Variants in DNMT1 observed in about 807,000 individuals in gnomAD.
DNMT1 encodes DNA (cytosine-5)-methyltransferase 1.
Under a neutral mutation model 205.3 loss-of-function variants are expected in DNMT1, and 24 were observed. The observed-to-expected ratio is 0.12, with a 90% CI of 0.08 to 0.16. DNMT1 has a LOEUF of 0.16. Ranked by LOEUF, DNMT1 falls within the 10% of genes least tolerant of loss-of-function variation. The pLI, the probability that DNMT1 is intolerant of heterozygous loss-of-function variation, is 1.00. For synonymous variants in DNMT1, 817 were observed against 839.8 expected (o/e 0.97, Z 0.47); for missense variants, 1,293 against 2,177.7 (o/e 0.59, Z 8.09).
chr19:10,150,046 C>T, intron 24 of DNMT1, 78 bp from the exon 25 acceptor site: 2 of 1,247,268 alleles, frequency 1.6e-6, no homozygotes, highest in Non-Finnish European at 2.4e-6. Flanking sequence ...TCCTCTGTTA[C>T]TTAAAGTAAG....
At chr19:10,134,104 G>T in intron 40 of DNMT1, 113 bp downstream of exon 40, 1 of 1,089,070 alleles carries the variant, frequency 9.2e-7, no homozygotes, top group Non-Finnish European at 1.4e-6. Context: ...CACGAACGTG[G>T]GTAGGTGACC....
At chr19:10,162,578 C>T in intron 13 of DNMT1, 89 bp downstream of exon 13, 1 of 1,420,988 alleles carries the variant, frequency 7.0e-7, no homozygotes, top group South Asian at 1.3e-5. Context: ...TCTTCTTTTT[C>T]CTAAGACCAG....
Position 10,142,121 on chromosome 19 carries a change from C to A in DNMT1, c.3216G>T (p.Val1072=), listed in dbSNP as rs780059022. The change falls in exon 30 of 41, where the codon GTG becomes GTT. Residue 1072 remains valine (V), a synonymous_variant. Coordinates refer to ENST00000359526, the MANE Select transcript of DNMT1 (RefSeq NM_001130823.3). ...CATACTCCACGGTGCAGCGGCCCTG[C>A]ACAGCCTTGAAGTCCACCACGGCCT... ...DEEAVVDFKA[V]QGRCTVEYGE... 3.1e-6 allele frequency: 5 copies of A among 1,613,984 alleles called. No individual in the cohort carries two copies. In the East Asian group the frequency reaches 6.7e-5, roughly 22 times the overall value.
intron 7 of DNMT1, among the ~76,000 whole-genome samples, chr19:10,174,131 GC>G (rs1351371058): frequency 2.6e-5 from 4 of 152,170 alleles, no homozygotes; most frequent in African/African-American, 9.6e-5. Context: ...CAGGCACACT[GC>G]CCATCACTAG....
At chr19:10,165,677 G>C (rs1162447978) in intron 11 of DNMT1, among the ~76,000 whole-genome samples, 1 of 152,200 alleles carries the variant, frequency 6.6e-6, no homozygotes, top group African/African-American at 2.4e-5. Context: ...ACAGTAGTGA[G>C]CCACCATGCC....
chr19:10,177,828 G>C (rs944263981), intron 5 of DNMT1, among the ~76,000 whole-genome samples: 4 of 151,450 alleles, frequency 2.6e-5, no homozygotes, highest in African/African-American at 9.7e-5. Flanking sequence ...AGCTATTCAA[G>C]AGGCTGAGGC....
In DNMT1 at chr19:10,170,110, C is replaced by A. The variant is rs751693857; in HGVS notation, c.769-1746G>T. Reference sequence around the variant, plus strand: ...GACCAACCTGGCCAACACGGCAAAACCCTGTCTCTACTAAAAATACAAAAA... The same window carrying A: ...GACCAACCTGGCCAACACGGCAAAAACCTGTCTCTACTAAAAATACAAAAA... On this transcript the variant is annotated intron_variant, in intron 9 of 40. Transcript: ENST00000359526. 1.8e-3 allele frequency among the ~76,000 whole-genome samples: 274 copies of A among 151,848 alleles called. 2 individuals carry two copies. The highest frequency in any genetic ancestry group is 0.01 in the Middle Eastern group (3 of 292).
intron 39 of DNMT1, among the ~76,000 whole-genome samples, chr19:10,135,212 C>CAAAAAAAA (rs34374135): frequency 9.2e-6 from 1 of 108,514 alleles, no homozygotes. Context: ...AGCTCCATCT[C>CAAAAAAAA]AAAAAAAAAA....
chr19:10,147,901 G>T (rs955186548), intron 27 of DNMT1, among the ~76,000 whole-genome samples: 4 of 151,248 alleles, frequency 2.6e-5, no homozygotes, highest in Non-Finnish European at 5.9e-5. Context: ...ATCACCTGAG[G>T]TCGGGAGTTC....
intron 27 of DNMT1, among the ~76,000 whole-genome samples, chr19:10,147,982 G>A (rs2038234563): frequency 6.6e-6 from 1 of 151,282 alleles, no homozygotes; most frequent in Non-Finnish European, 1.5e-5. Flanking sequence ...CGGGCATGGT[G>A]GCCCATGCTT....
At chr19:10,187,691 G>A (rs1008758162) in intron 1 of DNMT1, among the ~76,000 whole-genome samples, 7 of 147,210 alleles carry the variant, frequency 4.8e-5, no homozygotes, top group Admixed American at 6.8e-5. Flanking sequence ...GCAACACAGC[G>A]AGAACCTGTC....
rs61750052 is a variant in DNMT1, at chr19:10,154,368, G to A, written c.1944C>T (p.Phe648=). 6,508 of 1,614,236 alleles carry A rather than the reference G, an allele frequency of 4.0e-3. 42 individuals are homozygous for A. The highest frequency in any genetic ancestry group is 0.017 in the South Asian group (1,553 of 91,088). ...KLVYQIFDTF[F]AEQIEKDDRE... ...TGTCATCCTTTTCAATTTGCTCTGCGAAGAAAGTATCGAAGATCTGGTAGA... is the reference window on the plus strand; with the variant it reads ...TGTCATCCTTTTCAATTTGCTCTGCAAAGAAAGTATCGAAGATCTGGTAGA... Residue 648 remains phenylalanine (F), a synonymous_variant, in exon 22 of 41, where the codon TTC becomes TTT. Coordinates refer to ENST00000359526, the MANE Select transcript of DNMT1 (RefSeq NM_001130823.3). This position sits in a 1 kb window ranked among gnomAD's most constrained non-coding sequence, Gnocchi z 6.3.
intron 19 of DNMT1, 70 bp from the exon 20 acceptor site, chr19:10,155,126 G>A: frequency 1.3e-6 from 2 of 1,599,056 alleles, no homozygotes; most frequent in Non-Finnish European, 1.7e-6. Flanking sequence ...CACAGGGCAT[G>A]GAGGAGTCTA....
chr19:10,192,625 A>G (rs1234823381), intron 1 of DNMT1, among the ~76,000 whole-genome samples: 1 of 152,078 alleles, frequency 6.6e-6, no homozygotes, highest in Non-Finnish European at 1.5e-5. Context: ...ATAAAAAAGG[A>G]AGGCCGGGCC....
intron 6 of DNMT1, among the ~76,000 whole-genome samples, chr19:10,176,185 A>G (rs2038935954): frequency 6.6e-6 from 1 of 150,870 alleles, no homozygotes; most frequent in Non-Finnish European, 1.5e-5. Flanking sequence ...AAAAAAAGTC[A>G]GTCTCAAAAA....
chr19:10,150,890 G>A (rs1463192182), intron 24 of DNMT1, among the ~76,000 whole-genome samples: 3 of 152,116 alleles, frequency 2.0e-5, no homozygotes, highest in Admixed American at 6.6e-5. Flanking sequence ...GCCGGAGTTC[G>A]AGAATGGCCT....
chr19:10,163,114 A>G, intron 12 of DNMT1: 1 of 623,670 alleles, frequency 1.6e-6, no homozygotes. Flanking sequence ...GGCACCCGCC[A>G]CCACACCCAG....
rs1299078039 is a variant in DNMT1 at position 10,137,685 on chromosome 19, C to T, written c.4293+147G>A. 3 of 1,139,270 alleles carry T rather than the reference C, an allele frequency of 2.6e-6. No homozygotes were observed. Among genetic ancestry groups the T allele is most frequent in the East Asian group, 2.6e-5 (1 of 39,190 alleles). 70.6% of individuals were successfully genotyped at this position (1,139,270 alleles called of 1,614,324 possible). ...ACTTCCCATGACCATGCAAGAGAGA[C>T]CAGGGGTCACACAAAGGCTGAGGAC... On this transcript the variant is annotated intron_variant, in intron 36 of 40. Coordinates refer to ENST00000359526, the MANE Select transcript of DNMT1 (RefSeq NM_001130823.3). The surrounding 1 kb of genome is among the most constrained non-coding windows in gnomAD (Gnocchi z 6.4).
Position 10,142,196 on chromosome 19 carries a change from A to G in DNMT1, c.3141T>C (p.Thr1047=), listed in dbSNP as rs1377826866. 2.2e-5 allele frequency: 35 copies of G among 1,613,860 alleles called. No individual in the cohort carries two copies. Among genetic ancestry groups the G allele is most frequent in the Non-Finnish European group, 2.8e-5 (33 of 1,180,030 alleles). ...FYRPENTHKS[T]PASYHADINL... is the part of the protein sequence containing the mutation. The stretch of plus-strand genomic sequence containing the variant: ...TGATGTCTGCGTGGTAGCTCGCTGG[A>G]GTGGACTTGTGGGTGTTCTCAGGCC... Residue 1047 remains threonine (T), a synonymous_variant, in exon 30 of 41, where the codon ACT becomes ACC. Coordinates refer to ENST00000359526, the MANE Select transcript of DNMT1 (RefSeq NM_001130823.3).
Sources: allele counts gnomAD v4.1 joint callset (sites outside exome capture counted in the v4.1 genomes callset), GRCh38; gene constraint gnomAD v4.1.1; non-coding constraint Gnocchi (gnomAD v3.1); transcripts MANE v1.5; gene names NCBI Gene and HGNC (gene_info 2026-07-23, HGNC 2026-07-21).